Variants in ACSS2 observed in about 807,000 individuals in gnomAD.
ACSS2 encodes acyl-CoA synthetase short chain family member 2.
A neutral mutation model predicts 90.6 loss-of-function variants in ACSS2; 58 were observed. The ratio of observed to expected loss-of-function variants is 0.64; its 90% CI spans 0.52 to 0.80. The LOEUF is 0.80. Ranked by LOEUF, ACSS2 falls within the 30% of genes least tolerant of loss-of-function variation. The pLI, the probability that ACSS2 is intolerant of heterozygous loss-of-function variation, is 0.00. For synonymous variants in ACSS2, 300 were observed against 330.9 expected (o/e 0.91, Z 1.01); for missense variants, 759 against 912.0 (o/e 0.83, Z 2.16).
At chr20:34,876,530 C>T, upstream of ACSS2, 2 of 1,222,492 alleles carry the variant, frequency 1.6e-6, no homozygotes, top group Non-Finnish European at 2.1e-6. Context: ...AAGCCACTCC[C>T]CCACTCACCA....
intron 8 of ACSS2, 49 bp downstream of exon 8, chr20:34,919,621 A>T: frequency 7.8e-7 from 1 of 1,279,116 alleles, no homozygotes; most frequent in Non-Finnish European, 1.1e-6. Context: ...GTGTGTGTGT[A>T]TTATGTAGGG....
intron 1 of ACSS2, 57 bp downstream of exon 1, chr20:34,876,880 C>T (rs895106254): frequency 1.7e-6 from 2 of 1,175,928 alleles, no homozygotes; most frequent in Admixed American, 8.5e-5. Context: ...TGGGGGCTCC[C>T]TGGGGGAGTC....
rs778031362 is a variant in ACSS2 at position 34,926,945 on chromosome 20, C to T, written c.1972C>T (p.Arg658Cys). 1.2e-5 allele frequency: 19 copies of T among 1,613,994 alleles called. No homozygotes were observed. Among genetic ancestry groups the T allele is most frequent in the East Asian group, 4.5e-5 (2 of 44,896 alleles). Residue 658 changes from arginine to cysteine, a missense_variant, in exon 17 of 18, where the codon CGC (arginine) becomes TGC (cysteine). Physicochemically the swap from Arg to Cys is radical, Grantham distance 180. Coordinates refer to ENST00000360596, the MANE Select transcript of ACSS2 (RefSeq NM_018677.4). ...GAATGCACCTGGCTTGCCTAAAACC[C>T]GCTCAGGTATGTTCAGAGGCCTCCA... ...IQNAPGLPKT[R>C]SGKIMRRVLR...
At chr20:34,884,520 G>T (rs562314837) in intron 2 of ACSS2, among the ~76,000 whole-genome samples, 8 of 152,266 alleles carry the variant, frequency 5.3e-5, no homozygotes, top group East Asian at 3.9e-4. Flanking sequence ...CTAGATTGTT[G>T]TAAGAATCAA....
intron 2 of ACSS2, among the ~76,000 whole-genome samples, chr20:34,911,659 G>A (rs1184256032): frequency 6.6e-6 from 1 of 151,964 alleles, no homozygotes; most frequent in African/African-American, 2.4e-5. Flanking sequence ...TTTCTCCCTA[G>A]TCACTCATTT....
At chr20:34,917,148 A>G (rs550951083) in intron 7 of ACSS2, among the ~76,000 whole-genome samples, 1 of 152,332 alleles carries the variant, frequency 6.6e-6, no homozygotes, top group South Asian at 2.1e-4. Flanking sequence ...AGTTGTAACT[A>G]TGCCTTGTCC....
At chr20:34,923,554 A>C (rs2081248220) in intron 14 of ACSS2, 123 bp downstream of exon 14, 10 of 740,140 alleles carry the variant, frequency 1.4e-5, no homozygotes, top group Non-Finnish European at 1.9e-5. Flanking sequence ...TTATAAAGAA[A>C]AGAGGTTTAT....
chr20:34,924,933 A>AC (rs1045581536), intron 14 of ACSS2, among the ~76,000 whole-genome samples: 3 of 151,332 alleles, frequency 2.0e-5, no homozygotes, highest in African/African-American at 7.3e-5. Flanking sequence ...CTCCTGATCC[A>AC]CCCACCTTGG....
Position 34,920,904 on chromosome 20 carries a change from G to A in ACSS2, c.1144-102G>A, listed in dbSNP as rs1034857689. On this transcript the variant is annotated intron_variant, in intron 9 of 17. Transcript: ENST00000360596. ...TTGTCTGGCCAGGGAGTGAAGATAT[G>A]GTTGGTCAGAAAGGGCAAAATACTG... 2.2e-5 allele frequency: 34 copies of A among 1,554,814 alleles called. No individual in the cohort carries two copies. The Admixed American group carries it at 5.7e-4, about 26-fold the overall frequency.
chr20:34,921,647 T>C, intron 12 of ACSS2, 47 bp downstream of exon 12: 1 of 1,613,950 alleles, frequency 6.2e-7, no homozygotes, highest in Non-Finnish European at 8.5e-7. Context: ...AGGGATGGTG[T>C]CTTGGGGCAC....
At chr20:34,919,339 C>G in intron 7 of ACSS2, 96 bp from the exon 8 acceptor site, 1 of 1,555,922 alleles carries the variant, frequency 6.4e-7, no homozygotes, top group Non-Finnish European at 8.7e-7. Context: ...GTACTCCTAC[C>G]TGCCTGTCCC....
At chr20:34,915,216 AG>A in intron 7 of ACSS2, 1 of 1,613,912 alleles carries the variant, frequency 6.2e-7, no homozygotes, top group Non-Finnish European at 8.5e-7. Context: ...GGCTCTTAAC[AG>A]GGTAAACTGA....
chr20:34,922,155 C>T (rs2081217947), intron 13 of ACSS2: 2 of 449,278 alleles, frequency 4.5e-6, no homozygotes, highest in South Asian at 1.5e-4. Context: ...GACAAAGATT[C>T]TACAGAAAGG....
intron 2 of ACSS2, among the ~76,000 whole-genome samples, chr20:34,907,432 G>A (rs2080836207): frequency 6.6e-6 from 1 of 152,184 alleles, no homozygotes; most frequent in South Asian, 2.1e-4. Context: ...TTGATAGAGA[G>A]TTTCTGAAGG....
At chr20:34,875,664 G>A (rs577070215), upstream of ACSS2, among the ~76,000 whole-genome samples, 28 of 152,330 alleles carry the variant, frequency 1.8e-4, 1 homozygote, top group African/African-American at 6.5e-4. Context: ...CAAGCCTGAC[G>A]AGGAAGTAAA....
intron 13 of ACSS2, chr20:34,923,055 T>C (rs2081236919): frequency 2.6e-6 from 1 of 378,616 alleles, no homozygotes; most frequent in African/African-American, 2.0e-5. Context: ...TTCCATATAC[T>C]ATTAATTTAA....
intron 1 of ACSS2, among the ~76,000 whole-genome samples, chr20:34,877,163 G>A (rs1282358863): frequency 1.3e-5 from 2 of 151,984 alleles, no homozygotes; most frequent in African/African-American, 4.8e-5. Context: ...GAGAAGGGGA[G>A]TTCCTGAGGC....
chr20:34,913,318 G>A, intron 3 of ACSS2, 75 bp from the exon 4 acceptor site: 7 of 1,544,674 alleles, frequency 4.5e-6, no homozygotes, highest in Non-Finnish European at 5.4e-6. Context: ...AGCTGGGAGG[G>A]AGGCCAGCTG....
At chr20:34,890,100 A>G (rs937826051) in intron 2 of ACSS2, among the ~76,000 whole-genome samples, 1 of 152,198 alleles carries the variant, frequency 6.6e-6, no homozygotes, top group Admixed American at 6.5e-5. Flanking sequence ...TAAAGGGCTT[A>G]GTGCTTGGCA....
Sources: allele counts gnomAD v4.1 joint callset (sites outside exome capture counted in the v4.1 genomes callset), GRCh38; gene constraint gnomAD v4.1.1; transcripts MANE v1.5; gene names NCBI Gene and HGNC (gene_info 2026-07-23, HGNC 2026-07-21).